The following SP140 variants were observed in gnomAD, a reference collection of about 807,000 sequenced individuals.
The protein encoded by SP140 is nuclear body protein SP140.
In SP140, 81 loss-of-function variants were observed where a neutral mutation model predicts 125.0. That is an observed-to-expected ratio of 0.65 (90% CI 0.54 to 0.78). The LOEUF (loss-of-function observed/expected upper bound fraction) is 0.78, where lower values mean the gene tolerates loss of function less well. Ranked by LOEUF, SP140 falls within the 30% of genes least tolerant of loss-of-function variation. The probability of loss-of-function intolerance (pLI) is 0.00; values close to 1 mark genes in which losing one functional copy is unlikely to be tolerated. For missense variants in SP140, 858 were observed against 1,037.0 expected (o/e 0.83, Z 2.37); for synonymous variants, 312 against 354.0 (o/e 0.88, Z 1.33).
At chr2:230,191,172 C>T in the SP140 span, among the ~76,000 whole-genome samples, 1 of 152,032 alleles carries the variant, frequency 6.6e-6, no homozygotes. Flanking sequence ...GCACTAAATG[C>T]CCACATCAGG....
At chr2:230,270,501 A>G in intron 14 of SP140, 85 bp from the exon 15 acceptor site, 1 of 1,317,194 alleles carries the variant, frequency 7.6e-7, no homozygotes, top group South Asian at 1.3e-5. Flanking sequence ...TATAAACTCA[A>G]GCCTTCTGTA....
chr2:230,270,914 C>A (rs2053834707), intron 15 of SP140: 2 of 471,470 alleles, frequency 4.2e-6, no homozygotes, highest in East Asian at 5.4e-5. Context: ...ATCTTGTAGG[C>A]CTTAAAGAGT....
At chr2:230,270,552 T>A in intron 14 of SP140, 34 bp from the exon 15 acceptor site, 2 of 1,576,312 alleles carry the variant, frequency 1.3e-6, no homozygotes, top group Non-Finnish European at 1.7e-6. Flanking sequence ...ATTTATTAAT[T>A]TCTGTTTCCT....
At chr2:230,273,261 C>G (rs575966233) in intron 15 of SP140, among the ~76,000 whole-genome samples, 2 of 152,128 alleles carry the variant, frequency 1.3e-5, no homozygotes, top group Non-Finnish European at 2.9e-5. Context: ...AAACAAACAG[C>G]CCCATTAAAA....
intron 12 of SP140, among the ~76,000 whole-genome samples, chr2:230,265,816 G>C (rs1023026097): frequency 1.3e-5 from 2 of 151,992 alleles, no homozygotes. Context: ...CCTGGGTCCT[G>C]CAGGTGCAAT....
At chr2:230,221,918 T>A, upstream of SP140, 4 of 597,954 alleles carry the variant, frequency 6.7e-6, no homozygotes, top group Non-Finnish European at 1.2e-5. Flanking sequence ...GGATGAAAGA[T>A]GTTTATTCTA....
At chr2:230,283,220 A>G (rs1166594645) in intron 15 of SP140, among the ~76,000 whole-genome samples, 1 of 152,180 alleles carries the variant, frequency 6.6e-6, no homozygotes. Flanking sequence ...TCTGAAAGAC[A>G]GATATCACCA....
At chr2:230,197,860 C>T in the SP140 span, among the ~76,000 whole-genome samples, 1 of 152,130 alleles carries the variant, frequency 6.6e-6, no homozygotes. Context: ...ACTACATTGT[C>T]AAGCTGGTTT....
At chr2:230,273,192 G>A (rs935854074) in intron 15 of SP140, among the ~76,000 whole-genome samples, 5 of 152,120 alleles carry the variant, frequency 3.3e-5, no homozygotes, top group Non-Finnish European at 5.9e-5. Flanking sequence ...TGCAAACTAT[G>A]CATCTGACAA....
Position 230,238,799 on chromosome 2 carries a change from T to C in SP140, c.406+418T>C, listed in dbSNP as rs747349252. On this transcript the variant is annotated intron_variant, in intron 3 of 26. Transcript: ENST00000392045. ...CAGTGCAGTCCTGTGTCAACTTGTT[T>C]CTCCAAACAAAGACTGGAGAAGTCA... 1.4e-5 allele frequency: 21 copies of C among 1,554,198 alleles called. No homozygotes were observed. In the Admixed American group the frequency reaches 2.5e-4, roughly 19 times the overall value.
At chr2:230,221,580 T>A, upstream of SP140, 2 of 971,440 alleles carry the variant, frequency 2.1e-6, no homozygotes, top group Non-Finnish European at 1.6e-6. Flanking sequence ...AAAAATTCAA[T>A]GCTAACAGCT....
chr2:230,261,182 TTTGTTGTTG>T lies in SP140; in HGVS notation c.1240+5665_1240+5673del, dbSNP rs373909339. 3.9e-5 allele frequency among the ~76,000 whole-genome samples: 6 copies of T among 152,114 alleles called. No homozygotes were observed. In the East Asian group the frequency reaches 7.7e-4, roughly 20 times the overall value. Reference sequence around the variant, plus strand: ...CCCTGGTTAGGTATATTCCTAAGTTTTTGTTGTTGTTGTTGTTGTTGTTTTGCAGCTATT... The same window carrying T: ...CCCTGGTTAGGTATATTCCTAAGTTTTTGTTGTTGTTGTTTTGCAGCTATT... On this transcript the variant is annotated intron_variant, in intron 12 of 26. Transcript: ENST00000392045.
rs369386341 is a variant in SP140 at position 230,236,992 on chromosome 2, A to G, written c.60-91A>G. ...CTTATTTTATACATGTTGGCTCTCC[A>G]TTGGCCATCCTTCATGTCTAAAATC... On this transcript the variant is annotated intron_variant, in intron 1 of 26. Coordinates refer to ENST00000392045, the MANE Select transcript of SP140 (RefSeq NM_007237.5). The G allele has an allele frequency of 4.8e-5, 44 of 918,168 alleles. No homozygotes were observed. In the Middle Eastern group the frequency reaches 1.3e-3, roughly 26 times the overall value. 56.9% of individuals were successfully genotyped at this position (918,168 alleles called of 1,614,324 possible). A position where few individuals can be genotyped will look rare whatever the true frequency, so the allele number is the denominator to read the frequency against.
intron 16 of SP140, 88 bp from the exon 17 acceptor site, chr2:230,285,664 C>T: frequency 5.4e-6 from 6 of 1,110,350 alleles, no homozygotes; most frequent in South Asian, 1.3e-5. Context: ...AGAATGAGAC[C>T]CAGGACTCCC....
chr2:230,278,271 T>G (rs944291983), intron 15 of SP140, among the ~76,000 whole-genome samples: 1 of 152,154 alleles, frequency 6.6e-6, no homozygotes, highest in Non-Finnish European at 1.5e-5. Flanking sequence ...TTGGCCATTA[T>G]ATGTCTTCTT....
chr2:230,200,646 A>T, upstream of SP140: 1 of 557,866 alleles, frequency 1.8e-6, no homozygotes. Context: ...GTGCTGAGAA[A>T]AATCTTATAT....
chr2:230,251,043 CT>C lies in SP140; in HGVS notation c.1040del (p.Leu347GlnfsTer17), dbSNP rs1559258254. Reference sequence around the variant, plus strand: ...AGAGCCCCAGGAAGCCTCTAGCTCCCTAGCAAGATGTGGGTCAGGTAAAGAA... The same window carrying C: ...AGAGCCCCAGGAAGCCTCTAGCTCCCAGCAAGATGTGGGTCAGGTAAAGAA... ...GEEPQEASSS[L>X]ARCGSVSCLS... On this transcript the variant is annotated frameshift_variant, in exon 10 of 27. Coordinates refer to ENST00000392045, the MANE Select transcript of SP140 (RefSeq NM_007237.5). LOFTEE classifies it high-confidence loss of function. The C allele has an allele frequency of 6.2e-7, 1 of 1,613,544 alleles. No homozygotes were observed. The highest frequency in any genetic ancestry group is 8.5e-7 in the Non-Finnish European group (1 of 1,179,770).
At chr2:230,259,788 A>ATG (rs1397797259) in intron 12 of SP140, among the ~76,000 whole-genome samples, 2 of 111,270 alleles carry the variant, frequency 1.8e-5, no homozygotes, top group Non-Finnish European at 3.9e-5. Context: ...ATATATATAT[A>ATG]TATATATACC....
intron 12 of SP140, among the ~76,000 whole-genome samples, chr2:230,260,652 C>T (rs368217089): frequency 1.6e-4 from 25 of 152,240 alleles, no homozygotes; most frequent in African/African-American, 5.8e-4. Context: ...GTTTCATTCT[C>T]CTACATGTGG....
Sources: allele counts gnomAD v4.1 joint callset (sites outside exome capture counted in the v4.1 genomes callset), GRCh38; gene constraint gnomAD v4.1.1; transcripts MANE v1.5; gene names NCBI Gene and HGNC (gene_info 2026-07-23, HGNC 2026-07-21).